BTBD16: variants seen among roughly 807,000 people sequenced by gnomAD.
BTBD16 encodes BTB/POZ domain-containing protein 16.
Under a neutral mutation model 67.4 loss-of-function variants are expected in BTBD16, and 66 were observed. The ratio of observed to expected loss-of-function variants is 0.98; its 90% CI spans 0.80 to 1.20. The LOEUF (loss-of-function observed/expected upper bound fraction) is 1.20, where lower values mean the gene tolerates loss of function less well. Among genes scored for constraint, BTBD16 ranks in the 50% most tolerant of loss-of-function variants. The pLI, the probability that BTBD16 is intolerant of heterozygous loss-of-function variation, is 0.00. For missense variants in BTBD16, 634 were observed against 616.0 expected (o/e 1.03, Z -0.31); for synonymous variants, 242 against 236.4 (o/e 1.02, Z -0.22).
chr10:122,288,616 C>T (rs1314669198), intron 5 of BTBD16, among the ~76,000 whole-genome samples: 1 of 152,134 alleles, frequency 6.6e-6, no homozygotes, highest in African/African-American at 2.4e-5. Flanking sequence ...GGCAAGTGAA[C>T]CACCTCAGCT....
intron 5 of BTBD16, among the ~76,000 whole-genome samples, chr10:122,288,396 C>T: frequency 6.6e-6 from 1 of 152,216 alleles, no homozygotes; most frequent in Admixed American, 6.5e-5. Flanking sequence ...TGACGGATGA[C>T]AGCGAGGGGA....
intron 9 of BTBD16, among the ~76,000 whole-genome samples, chr10:122,300,783 C>T (rs1430574217): frequency 6.6e-6 from 1 of 152,052 alleles, no homozygotes; most frequent in African/African-American, 2.4e-5. Flanking sequence ...AATTTTATTA[C>T]CTCTGAGTAA....
At chr10:122,299,471 A>G (rs55882503) in intron 9 of BTBD16, among the ~76,000 whole-genome samples, 5,864 of 152,182 alleles carry the variant, frequency 0.039, 371 homozygotes, top group African/African-American at 0.14. Context: ...TAGAAAATGA[A>G]ATCTCTCACC....
At chr10:122,323,120 A>G (rs1404790730) in intron 10 of BTBD16, among the ~76,000 whole-genome samples, 1 of 152,090 alleles carries the variant, frequency 6.6e-6, no homozygotes, top group Non-Finnish European at 1.5e-5. Context: ...TTTCACTTTA[A>G]CTCTGAAAAT....
chr10:122,307,509 G>A (rs1287874449), intron 10 of BTBD16, among the ~76,000 whole-genome samples: 1 of 152,100 alleles, frequency 6.6e-6, no homozygotes, highest in African/African-American at 2.4e-5. Flanking sequence ...ACATGTAGGT[G>A]TTGTACTATG....
chr10:122,313,269 T>G (rs200442558), intron 10 of BTBD16, among the ~76,000 whole-genome samples: 1,196 of 115,842 alleles, frequency 0.01, 15 homozygotes, highest in African/African-American at 0.035. Flanking sequence ...TTTTTTTTTT[T>G]TGTTTTTTTT....
In BTBD16 at chr10:122,295,562, C is replaced by G. The variant is rs1013167029; in HGVS notation, c.591-2206C>G. 78 of 981,146 alleles carry G rather than the reference C, an allele frequency of 7.9e-5. 1 individual carries two copies. The highest frequency in any genetic ancestry group is 3.7e-4 in the Admixed American group (6 of 16,248). The allele number at this position is 981,146 out of a possible 1,614,324, so 60.8% of individuals were successfully genotyped here. ...GGTATAAATGTGGGAGGCTGCAGGG[C>G]AGGGAGGCTGGCTGTTGAGAGGCTA... is the stretch of plus-strand genomic sequence containing the variant. On this transcript the variant is annotated intron_variant, in intron 7 of 15. Transcript: ENST00000260723.
At chr10:122,332,622 G>T (rs1235819060) in intron 13 of BTBD16, 109 bp downstream of exon 13, 3 of 1,205,144 alleles carry the variant, frequency 2.5e-6, no homozygotes, top group African/African-American at 3.1e-5. Context: ...GGAAGGTCAG[G>T]GGTCCAGAAG....
At chr10:122,273,245 T>TATATATAC (rs1249462780) in intron 1 of BTBD16, among the ~76,000 whole-genome samples, 12 of 139,444 alleles carry the variant, frequency 8.6e-5, no homozygotes, top group African/African-American at 2.7e-4. Flanking sequence ...TATATATATA[T>TATATATAC]ACACACATAC....
At chr10:122,317,727 C>T (rs1234382420) in intron 10 of BTBD16, among the ~76,000 whole-genome samples, 1 of 152,134 alleles carries the variant, frequency 6.6e-6, no homozygotes, top group African/African-American at 2.4e-5. Flanking sequence ...CCTAGGTCCA[C>T]ACAGGGTCAG....
intron 11 of BTBD16, 72 bp downstream of exon 11, chr10:122,329,643 G>T: frequency 4.6e-6 from 6 of 1,297,548 alleles, no homozygotes; most frequent in Non-Finnish European, 5.5e-6. Flanking sequence ...AGCCACTGCC[G>T]GGGGAGCCCC....
At chr10:122,295,414 C>G in intron 7 of BTBD16, 1 of 985,388 alleles carries the variant, frequency 1.0e-6, no homozygotes, top group Non-Finnish European at 1.2e-6. Context: ...CCAGGTTATG[C>G]AGGATCTTGT....
chr10:122,280,388 C>T (rs1201850092), intron 3 of BTBD16, among the ~76,000 whole-genome samples: 1 of 151,900 alleles, frequency 6.6e-6, no homozygotes, highest in Non-Finnish European at 1.5e-5. Context: ...GGCACCCCCA[C>T]GAAGGCTCAG....
intron 10 of BTBD16, among the ~76,000 whole-genome samples, chr10:122,309,660 G>A (rs2096410190): frequency 6.6e-6 from 1 of 152,040 alleles, no homozygotes; most frequent in African/African-American, 2.4e-5. Context: ...ATTATTTGTA[G>A]AAACAGGGCC....
At chr10:122,337,488 G>A (rs748711204) in intron 15 of BTBD16, among the ~76,000 whole-genome samples, 83 of 151,740 alleles carry the variant, frequency 5.5e-4, no homozygotes, top group Non-Finnish European at 1.1e-3. Context: ...TTTTTGAGAC[G>A]GAGTCTCGCT....
At chr10:122,276,748 G>T (rs200318225) in intron 2 of BTBD16, 43 bp from the exon 3 acceptor site, 16 of 1,594,584 alleles carry the variant, frequency 1.0e-5, no homozygotes, top group Non-Finnish European at 1.4e-5. Flanking sequence ...TTTATGTGAA[G>T]TTAGAAAAAA....
intron 12 of BTBD16, chr10:122,332,067 T>C: frequency 5.1e-6 from 1 of 196,134 alleles, no homozygotes; most frequent in Non-Finnish European, 1.1e-5. Context: ...CGTCATCCTC[T>C]CCAATTCCGC....
intron 10 of BTBD16, among the ~76,000 whole-genome samples, chr10:122,320,062 C>T (rs763184469): frequency 8.5e-5 from 13 of 152,136 alleles, no homozygotes; most frequent in Non-Finnish European, 1.5e-4. Context: ...TATTATACAA[C>T]CTTAGTAGAA....
At chr10:122,286,061 G>T (rs2096363046) in intron 4 of BTBD16, 44 bp from the exon 5 acceptor site, 1 of 1,562,716 alleles carries the variant, frequency 6.4e-7, no homozygotes, top group Non-Finnish European at 8.7e-7. Flanking sequence ...CTTTGGGTGG[G>T]GACGTTACTG....
Sources: allele counts gnomAD v4.1 joint callset (sites outside exome capture counted in the v4.1 genomes callset), GRCh38; gene constraint gnomAD v4.1.1; transcripts MANE v1.5; gene names NCBI Gene and HGNC (gene_info 2026-07-23, HGNC 2026-07-21).